Variants in PTPN11 observed in about 807,000 individuals in gnomAD.
PTPN11 encodes the protein protein tyrosine phosphatase non-receptor type 11, also known as tyrosine-protein phosphatase non-receptor type 11.
In PTPN11, 6 loss-of-function variants were observed where a neutral mutation model predicts 78.8. That is an observed-to-expected ratio of 0.08 (90% CI 0.04 to 0.15). The LOEUF (loss-of-function observed/expected upper bound fraction) is 0.15. Among genes scored for constraint, PTPN11 ranks in the 10% least tolerant of loss-of-function variants. The pLI is 1.00. For synonymous variants in PTPN11, 221 were observed against 263.5 expected, an observed-to-expected ratio of 0.84 and a Z score of 1.56; for missense variants, 386 against 744.8, an observed-to-expected ratio of 0.52 and a Z score of 5.61.
intron 3 of PTPN11, among the ~76,000 whole-genome samples, chr12:112,452,625 T>G (rs1372825314): frequency 6.6e-6 from 1 of 152,152 alleles, no homozygotes; most frequent in Non-Finnish European, 1.5e-5. Context: ...CCTCCTGGAC[T>G]CAAGTGATCC....
At chr12:112,483,168 C>G (rs1424717184) in intron 10 of PTPN11, among the ~76,000 whole-genome samples, 1 of 149,442 alleles carries the variant, frequency 6.7e-6, no homozygotes, top group African/African-American at 2.5e-5. Context: ...GTTTAGGGTT[C>G]ATTTGGAGGG....
chr12:112,434,928 A>G (rs186307568), intron 1 of PTPN11, among the ~76,000 whole-genome samples: 2 of 152,124 alleles, frequency 1.3e-5, no homozygotes, highest in East Asian at 1.9e-4. Context: ...CTGAGACTAC[A>G]GGCACGCACC....
chr12:112,442,993 A>G (rs908742696), intron 1 of PTPN11, among the ~76,000 whole-genome samples: 3 of 149,378 alleles, frequency 2.0e-5, no homozygotes, highest in Admixed American at 1.4e-4. Context: ...ATGTGTCTCT[A>G]TATTTAAGTT....
chr12:112,458,567 C>T (rs1313218266), intron 6 of PTPN11, among the ~76,000 whole-genome samples: 2 of 152,194 alleles, frequency 1.3e-5, no homozygotes, highest in Non-Finnish European at 2.9e-5. Flanking sequence ...ATAGAACATT[C>T]TCAGTCCTTG....
chr12:112,434,105 T>A (rs2037753270), intron 1 of PTPN11, among the ~76,000 whole-genome samples: 1 of 151,626 alleles, frequency 6.6e-6, no homozygotes, highest in Admixed American at 6.6e-5. Context: ...ATAGCAAGAC[T>A]CCATTTCTAC....
chr12:112,483,841 T>C (rs1040236514), intron 10 of PTPN11, among the ~76,000 whole-genome samples: 40 of 152,068 alleles, frequency 2.6e-4, no homozygotes, highest in African/African-American at 9.2e-4. Flanking sequence ...CTGGCAATTT[T>C]CTAGCTTGAG....
intron 1 of PTPN11, among the ~76,000 whole-genome samples, chr12:112,427,494 C>T (rs189537930): frequency 1.0e-3 from 154 of 151,296 alleles, no homozygotes; most frequent in African/African-American, 3.5e-3. Context: ...TGCAGTGAGC[C>T]GAGACTGTGC....
intron 1 of PTPN11, among the ~76,000 whole-genome samples, chr12:112,425,741 T>G (rs1366439991): frequency 2.0e-5 from 3 of 152,100 alleles, no homozygotes; most frequent in Admixed American, 2.0e-4. Flanking sequence ...ACCCCTCTCT[T>G]TTTTTGAGAC....
intron 1 of PTPN11, among the ~76,000 whole-genome samples, chr12:112,435,951 G>A (rs758694056): frequency 1.1e-4 from 17 of 152,154 alleles, no homozygotes; most frequent in Non-Finnish European, 2.2e-4. Context: ...TTGGGAGGCT[G>A]AGGTGGGAGG....
chr12:112,446,493 T>C, intron 2 of PTPN11, 95 bp downstream of exon 2: 1 of 1,564,098 alleles, frequency 6.4e-7, no homozygotes, highest in Non-Finnish European at 8.8e-7. Context: ...CATTTCGAGT[T>C]TGAAGGCCTT....
At chr12:112,422,314 A>G (rs970121447) in intron 1 of PTPN11, among the ~76,000 whole-genome samples, 1 of 152,228 alleles carries the variant, frequency 6.6e-6, no homozygotes, top group African/African-American at 2.4e-5. Context: ...CATCATAGGT[A>G]GGAAAACTAA....
Position 112,506,024 on chromosome 12 carries a change from A to G in PTPN11, c.*232A>G, listed in dbSNP as rs1170425467. 1 of 152,284 alleles carries G rather than the reference A, an allele frequency of 6.6e-6. No individual in the cohort carries two copies. The highest frequency in any genetic ancestry group is 1.9e-4 in the East Asian group (1 of 5,206). 9.4% of individuals were successfully genotyped at this position (152,284 alleles called of 1,614,324 possible). ...TACTCATTTCCTCAGATAAGAAGAA[A>G]TCATCTCTACAATGTAGACAACATT... is the stretch of plus-strand genomic sequence containing the variant. On this transcript the variant is annotated 3_prime_UTR_variant, in exon 16 of 16. Transcript: ENST00000351677.
intron 2 of PTPN11, among the ~76,000 whole-genome samples, chr12:112,449,824 G>C (rs1355836352): frequency 6.6e-6 from 1 of 151,992 alleles, no homozygotes; most frequent in Non-Finnish European, 1.5e-5. Flanking sequence ...TCAGCACTTT[G>C]GGAGGCCGAG....
At position 112,507,410 on chromosome 12, in the gene PTPN11, T is replaced by C. The variant is rs2038948596; in HGVS notation, c.*1618T>C. On this transcript the variant is annotated 3_prime_UTR_variant, in exon 16 of 16. Coordinates refer to ENST00000351677, the MANE Select transcript of PTPN11 (RefSeq NM_002834.5). ...GGGGCATCCCCAGACTTGGGAAACG[T>C]GACTCTTTCTTAATGCCACTGGGTT... 6.6e-6 allele frequency: 1 copy of C among 152,612 alleles called. No homozygotes were observed. The allele number at this position is 152,612 out of a possible 1,614,324, so 9.5% of individuals were successfully genotyped here.
At chr12:112,468,479 C>A (rs984124464) in intron 6 of PTPN11, among the ~76,000 whole-genome samples, 10 of 152,284 alleles carry the variant, frequency 6.6e-5, no homozygotes, top group East Asian at 1.9e-4. Context: ...AGATGGATGG[C>A]ATCTTCTGCT....
chr12:112,486,979 T>A, intron 11 of PTPN11: 1 of 1,196,792 alleles, frequency 8.4e-7, no homozygotes, highest in South Asian at 1.8e-5. Context: ...TTGACTGCTT[T>A]GTAGGTATTG....
At chr12:112,421,788 G>A (rs1363113688) in intron 1 of PTPN11, among the ~76,000 whole-genome samples, 4 of 151,964 alleles carry the variant, frequency 2.6e-5, no homozygotes, top group Non-Finnish European at 4.4e-5. Context: ...CACCACACCC[G>A]GCTAATTTTT....
intron 7 of PTPN11, 76 bp from the exon 8 acceptor site, chr12:112,477,574 TG>T: frequency 8.6e-7 from 1 of 1,165,326 alleles, no homozygotes; most frequent in Non-Finnish European, 1.3e-6. Flanking sequence ...TGGACTAGGC[TG>T]GGGAGTAACT....
intron 1 of PTPN11, among the ~76,000 whole-genome samples, chr12:112,439,521 T>G: frequency 6.6e-6 from 1 of 152,008 alleles, no homozygotes; most frequent in Non-Finnish European, 1.5e-5. Context: ...CAGGCTGGAG[T>G]GCAGTGCTGT....
Sources: gnomAD v4.1 joint callset for allele counts (sites outside exome capture counted in the v4.1 genomes callset) on GRCh38, gnomAD v4.1.1 for gene constraint, MANE v1.5 for transcripts, NCBI Gene and HGNC (gene_info 2026-07-23, HGNC 2026-07-21) for gene names.